Variants in VPS37A observed in about 807,000 individuals in gnomAD.
VPS37A encodes vacuolar protein sorting-associated protein 37A.
Under a neutral mutation model 49.8 loss-of-function variants are expected in VPS37A, and 30 were observed. The observed-to-expected ratio is 0.60, with a 90% CI of 0.45 to 0.82. The LOEUF (loss-of-function observed/expected upper bound fraction) is 0.82. VPS37A is among the 40% of genes least tolerant of loss of function. The pLI, the probability that VPS37A is intolerant of heterozygous loss-of-function variation, is 0.00. For missense variants in VPS37A, 593 were observed against 464.4 expected (o/e 1.28, Z -2.55); for synonymous variants, 195 against 160.6 (o/e 1.21, Z -1.62).
chr8:17,274,310 G>C (rs1814290751), intron 4 of VPS37A, among the ~76,000 whole-genome samples: 1 of 152,168 alleles, frequency 6.6e-6, no homozygotes, highest in South Asian at 2.1e-4. Context: ...TTGACTTTCA[G>C]TCAGATTTTG....
the VPS37A span, among the ~76,000 whole-genome samples, chr8:17,330,747 G>C: frequency 9.3e-4 from 142 of 152,208 alleles, no homozygotes; most frequent in African/African-American, 3.3e-3. Flanking sequence ...TTCTCCCTTC[G>C]AATGGCCATT....
chr8:17,333,208 G>A, the VPS37A span, among the ~76,000 whole-genome samples: 6 of 152,252 alleles, frequency 3.9e-5, no homozygotes, highest in South Asian at 8.3e-4. Flanking sequence ...TCCCAGGCAT[G>A]CTACGAGAAT....
the VPS37A span, among the ~76,000 whole-genome samples, chr8:17,326,672 A>T: frequency 1.3e-5 from 2 of 152,226 alleles, no homozygotes; most frequent in South Asian, 2.1e-4. Context: ...CCATGCTGTG[A>T]ACAGCCAACA....
chr8:17,268,362 T>C lies in VPS37A; in HGVS notation c.305T>C (p.Leu102Ser). The C allele has an allele frequency of 6.2e-7, 1 of 1,600,724 alleles. No individual in the cohort carries two copies. The highest frequency in any genetic ancestry group is 8.6e-7 in the Non-Finnish European group (1 of 1,168,384). Residue 102 changes from leucine to serine, a missense_variant, in exon 3 of 12, where the codon TTA becomes TCA. By Grantham distance (145) the Leu-to-Ser change is moderately radical. Transcript: ENST00000324849. ...DKQGVYVTSP[L>S]VNNFTMHSDL... is the part of the protein sequence containing the mutation. ...CAAGGAGTGTATGTTACCTCTCCAT[T>C]AGTAAACAATGTATGTATATGGGAT...
chr8:17,322,948 A>AT, the VPS37A span, among the ~76,000 whole-genome samples: 1 of 94,966 alleles, frequency 1.1e-5, no homozygotes, highest in East Asian at 5.0e-4. Flanking sequence ...GGATTGAATT[A>AT]TCTTTTTTTT....
At chr8:17,289,997 G>T (rs1815988537) in intron 11 of VPS37A, among the ~76,000 whole-genome samples, 1 of 151,476 alleles carries the variant, frequency 6.6e-6, no homozygotes, top group African/African-American at 2.4e-5. Context: ...TGATTTGGCT[G>T]TTTGTCTATT....
Position 17,246,998 on chromosome 8 carries a change from T to C in VPS37A, c.-247T>C. ...TCCCTGGCTGGCCGGTTTGGGCGTC[T>C]GGGCCGTGAAGGTGGGACCTCCTGT... On this transcript the variant is annotated 5_prime_UTR_variant, in exon 1 of 12. Transcript: ENST00000324849. 1.9e-6 allele frequency: 1 copy of C among 535,966 alleles called. No individual in the cohort carries two copies. Among genetic ancestry groups the C allele is most frequent in the South Asian group, 2.1e-5 (1 of 48,000 alleles). 33.2% of individuals were successfully genotyped at this position (535,966 alleles called of 1,614,324 possible).
At chr8:17,321,306 C>T in the VPS37A span, among the ~76,000 whole-genome samples, 1 of 152,210 alleles carries the variant, frequency 6.6e-6, no homozygotes, top group Non-Finnish European at 1.5e-5. Flanking sequence ...AGAGAATGTC[C>T]CCACGCTTCT....
chr8:17,320,301 C>T, the VPS37A span, among the ~76,000 whole-genome samples: 6 of 152,140 alleles, frequency 3.9e-5, no homozygotes, highest in Non-Finnish European at 8.8e-5. Flanking sequence ...AGTCTTCAAA[C>T]ATTTTTGCAC....
At chr8:17,286,448 G>C (rs530078528) in intron 11 of VPS37A, 21 bp downstream of exon 11, 17 of 1,604,534 alleles carry the variant, frequency 1.1e-5, no homozygotes, top group Non-Finnish European at 1.3e-5. Flanking sequence ...TTTCAAGTTT[G>C]AGTCTCAAGG....
the VPS37A span, among the ~76,000 whole-genome samples, chr8:17,320,148 A>G: frequency 1.6e-4 from 25 of 152,100 alleles, no homozygotes; most frequent in Admixed American, 3.3e-4. Flanking sequence ...ATATATTTAC[A>G]TAACATATGA....
At chr8:17,332,532 T>C in the VPS37A span, among the ~76,000 whole-genome samples, 1 of 152,150 alleles carries the variant, frequency 6.6e-6, no homozygotes, top group Non-Finnish European at 1.5e-5. Flanking sequence ...AGGCTTACGA[T>C]GGGGTTATAT....
Position 17,247,343 on chromosome 8 carries a change from C to G in VPS37A, c.99C>G (p.Ile33Met). Residue 33 changes from isoleucine (I) to methionine (M), a missense_variant, in exon 1 of 12, where the codon ATC (isoleucine) becomes ATG (methionine). Physicochemically the swap from Ile to Met is conservative, Grantham distance 10. Transcript: ENST00000324849. ...TCCAGCAGCAGAAGCAGCGCCTGAT[C>G]GAGTCCCTCCGGAACTCACACTCCA... The part of the protein sequence containing the change: ...TSLQQQKQRL[I>M]ESLRNSHSSI... 6.5e-7 allele frequency: 1 copy of G among 1,545,454 alleles called. No homozygotes were observed. The highest frequency in any genetic ancestry group is 8.7e-7 in the Non-Finnish European group (1 of 1,144,936).
downstream of VPS37A, chr8:17,304,342 C>T (rs766101278): frequency 6.3e-7 from 1 of 1,596,650 alleles, no homozygotes; most frequent in African/African-American, 1.3e-5. Context: ...AATCCAAGTT[C>T]ATACCATGGC....
chr8:17,262,025 G>T (rs1431428868), intron 1 of VPS37A, among the ~76,000 whole-genome samples: 1 of 152,198 alleles, frequency 6.6e-6, no homozygotes, highest in African/African-American at 2.4e-5. Context: ...TGGTGGGAAA[G>T]CCGATTGTTC....
At chr8:17,304,763 G>C (rs1427140597), downstream of VPS37A, among the ~76,000 whole-genome samples, 1 of 151,870 alleles carries the variant, frequency 6.6e-6, no homozygotes, top group Non-Finnish European at 1.5e-5. Flanking sequence ...GTGTGTGTGT[G>C]TGTGTTAAGC....
intron 1 of VPS37A, among the ~76,000 whole-genome samples, chr8:17,265,004 A>T (rs1387789369): frequency 6.6e-6 from 1 of 152,212 alleles, no homozygotes; most frequent in African/African-American, 2.4e-5. Context: ...AATACCAAAG[A>T]CCCAAGAATG....
chr8:17,315,045 G>T, the VPS37A span, among the ~76,000 whole-genome samples: 2 of 152,172 alleles, frequency 1.3e-5, no homozygotes, highest in Non-Finnish European at 2.9e-5. Context: ...CCCTTGGGTA[G>T]TCAGCCGTGG....
At chr8:17,251,824 CGTT>C (rs755381018) in intron 1 of VPS37A, among the ~76,000 whole-genome samples, 18 of 152,118 alleles carry the variant, frequency 1.2e-4, no homozygotes, top group East Asian at 7.7e-4. Context: ...CTGCGGATTC[CGTT>C]GTTCTGATTG....
Sources: allele counts gnomAD v4.1 joint callset (sites outside exome capture counted in the v4.1 genomes callset), GRCh38; gene constraint gnomAD v4.1.1; transcripts MANE v1.5; gene names NCBI Gene and HGNC (gene_info 2026-07-23, HGNC 2026-07-21).